The following ZNF681 variants were observed in gnomAD, a reference collection of about 807,000 sequenced individuals.
ZNF681 encodes the protein hypothetical protein FLJ31526.
ZNF681 carries 37 observed loss-of-function variants against 56.0 expected under a neutral mutation model. The observed-to-expected ratio is 0.66, with a 90% CI of 0.51 to 0.87. The LOEUF (loss-of-function observed/expected upper bound fraction) is 0.87, where lower values mean the gene tolerates loss of function less well. Ranked by LOEUF, ZNF681 falls within the 40% of genes least tolerant of loss-of-function variation. The pLI is 0.00. For synonymous variants in ZNF681, 225 were observed against 248.6 expected (o/e 0.91, Z 0.89); for missense variants, 741 against 744.9 (o/e 0.99, Z 0.06).
chr19:23,744,000 C>T lies in ZNF681; in HGVS notation c.1550G>A (p.Arg517Gln), dbSNP rs576983713. 111 of 1,589,932 alleles carry T rather than the reference C, an allele frequency of 7.0e-5. No homozygotes were observed. The highest frequency in any genetic ancestry group is 1.8e-4 in the South Asian group (16 of 89,710). The change falls in exon 4 of 4, where the codon CGA becomes CAA. Residue 517 changes from arginine to glutamine, a missense_variant. Coordinates refer to ENST00000402377, the MANE Select transcript of ZNF681 (RefSeq NM_138286.3). The part of the protein sequence containing the change: ...KCEECGKAFY[R>Q]SSKLTEHKKI... ...CTTATGTTCAGTAAGTTTTGAGGATCGATAGAAAGCTTTGCCACATTCTTC... is the reference window on the plus strand; with the variant it reads ...CTTATGTTCAGTAAGTTTTGAGGATTGATAGAAAGCTTTGCCACATTCTTC...
chr19:23,758,604 G>A, intron 1 of ZNF681, 143 bp downstream of exon 1: 1 of 1,241,244 alleles, frequency 8.1e-7, no homozygotes, highest in South Asian at 1.2e-5. Context: ...TGTCAGCGCA[G>A]CCGCCATCTT....
At chr19:23,746,198 C>T (rs1032999623) in intron 3 of ZNF681, among the ~76,000 whole-genome samples, 2 of 151,966 alleles carry the variant, frequency 1.3e-5, no homozygotes, top group African/African-American at 4.8e-5. Context: ...CCTGTAATCC[C>T]AGCTACTCGG....
In ZNF681 at chr19:23,743,742, G is replaced by A; in HGVS notation, c.1808C>T (p.Ser603Leu). 1.2e-6 allele frequency: 2 copies of A among 1,613,710 alleles called. No individual in the cohort carries two copies. Among genetic ancestry groups the A allele is most frequent in the Non-Finnish European group, 1.7e-6 (2 of 1,179,804 alleles). The change falls in exon 4 of 4, where the codon TCA becomes TTA. Residue 603 changes from serine (S) to leucine (L), a missense_variant. Physicochemically the swap from Ser to Leu is moderately radical, Grantham distance 145. Transcript: ENST00000402377. ...EKCGKAFNQSSNLTGHKKIHT... is the reference protein window; with the variant it reads ...EKCGKAFNQSLNLTGHKKIHT... ...AATTTTCTTATGTCCAGTAAGGTTT[G>A]AGGACTGGTTAAAAGCTTTGCCACA... is the stretch of plus-strand genomic sequence containing the variant.
At chr19:23,749,940 C>T (rs1968999386) in intron 3 of ZNF681, among the ~76,000 whole-genome samples, 1 of 151,260 alleles carries the variant, frequency 6.6e-6, no homozygotes, top group Non-Finnish European at 1.5e-5. Flanking sequence ...AAACTATTTC[C>T]ATGACTACTC....
At chr19:23,747,366 G>A (rs369797860) in intron 3 of ZNF681, among the ~76,000 whole-genome samples, 75 of 152,012 alleles carry the variant, frequency 4.9e-4, no homozygotes, top group Non-Finnish European at 5.6e-4. Context: ...GTGGCCGGGC[G>A]CGGTGGCTCA....
intron 3 of ZNF681, among the ~76,000 whole-genome samples, chr19:23,748,359 C>T (rs1023446355): frequency 4.6e-5 from 7 of 152,166 alleles, no homozygotes; most frequent in Admixed American, 1.3e-4. Flanking sequence ...CACATCTGTG[C>T]CTGCCACCAG....
chr19:23,747,873 A>G (rs1303081135), intron 3 of ZNF681, among the ~76,000 whole-genome samples: 1 of 152,090 alleles, frequency 6.6e-6, no homozygotes, highest in Admixed American at 6.6e-5. Flanking sequence ...ACTCCTCAGT[A>G]TATGATTAAA....
rs1352311333 is a variant in ZNF681 at position 23,739,847 on chromosome 19, A to G, written c.*3765T>C. ...TAAAAAAACATATAAAACTGAGAAA[A>G]TTTCTTCAAATTGTAATATGAATAT... On this transcript the variant is annotated 3_prime_UTR_variant, in exon 4 of 4. Coordinates refer to ENST00000402377, the MANE Select transcript of ZNF681 (RefSeq NM_138286.3). The G allele has an allele frequency of 6.6e-6, 1 of 152,126 alleles. No homozygotes were observed. Among genetic ancestry groups the G allele is most frequent in the Non-Finnish European group, 1.5e-5 (1 of 68,008 alleles). The allele number at this position is 152,126 out of a possible 1,614,324, so 9.4% of individuals were successfully genotyped here. A position where few individuals can be genotyped will look rare whatever the true frequency, so the allele number is the denominator to read the frequency against.
intron 2 of ZNF681, among the ~76,000 whole-genome samples, chr19:23,755,125 T>C (rs1969093035): frequency 4.6e-5 from 7 of 152,168 alleles, no homozygotes; most frequent in Admixed American, 4.6e-4. Context: ...AATCAAAAAC[T>C]GGTGTTGGCA....
At chr19:23,745,601 T>C (rs7252923) in intron 3 of ZNF681, among the ~76,000 whole-genome samples, 148,727 of 151,986 alleles carry the variant, frequency 0.98, 72,861 homozygotes, top group Middle Eastern at 1. Flanking sequence ...TACAGGCATG[T>C]GCCACCATGC....
At chr19:23,747,333 T>G (rs1261215856) in intron 3 of ZNF681, among the ~76,000 whole-genome samples, 1 of 152,080 alleles carries the variant, frequency 6.6e-6, no homozygotes, top group African/African-American at 2.4e-5. Context: ...ATATTCAATA[T>G]AATTTCTATA....
chr19:23,750,621 C>A (rs1404436997), intron 3 of ZNF681, among the ~76,000 whole-genome samples: 1 of 151,996 alleles, frequency 6.6e-6, no homozygotes, highest in Non-Finnish European at 1.5e-5. Flanking sequence ...GTGGACAAAT[C>A]ACCTGAGGTC....
chr19:23,747,916 T>C (rs374566942), intron 3 of ZNF681, among the ~76,000 whole-genome samples: 12 of 152,080 alleles, frequency 7.9e-5, no homozygotes, highest in South Asian at 4.2e-4. Flanking sequence ...GAGCACACAA[T>C]AGAGAAAAGA....
intron 3 of ZNF681, among the ~76,000 whole-genome samples, chr19:23,747,101 C>T (rs986971496): frequency 1.3e-5 from 2 of 152,034 alleles, no homozygotes; most frequent in African/African-American, 2.4e-5. Context: ...AGAAAGAGAT[C>T]CTGTCTCAAA....
chr19:23,743,916 T>C lies in ZNF681; in HGVS notation c.1634A>G (p.His545Arg), dbSNP rs1268247766. The C allele has an allele frequency of 5.6e-6, 9 of 1,605,742 alleles. No individual in the cohort carries two copies. Among genetic ancestry groups the C allele is most frequent in the Non-Finnish European group, 7.7e-6 (9 of 1,174,006 alleles). Residue 545 changes from histidine to arginine, a missense_variant, in exon 4 of 4, where the codon CAT becomes CGT. Physicochemically the swap from His to Arg is conservative, Grantham distance 29 (BLOSUM62 0). Transcript: ENST00000402377. Reference sequence around the variant, plus strand: ...CTTATGTGTAGCAAGATGTGAGGAATGGTTAAAGGCTTTGCCACATTCTTC... The same window carrying C: ...CTTATGTGTAGCAAGATGTGAGGAACGGTTAAAGGCTTTGCCACATTCTTC... ...TCEECGKAFNHSSHLATHKVI... is the reference protein window; with the variant it reads ...TCEECGKAFNRSSHLATHKVI...
rs1745563624 is a variant in ZNF681 at position 23,758,876 on chromosome 19, G to C, written c.-127C>G. 7 of 1,351,470 alleles carry C rather than the reference G, an allele frequency of 5.2e-6. No individual in the cohort carries two copies. The Admixed American group carries it at 1.0e-4, about 19-fold the overall frequency. 83.7% of individuals were successfully genotyped at this position (1,351,470 alleles called of 1,614,324 possible). A position where few individuals can be genotyped will look rare whatever the true frequency, so the allele number is the denominator to read the frequency against. On this transcript the variant is annotated 5_prime_UTR_variant, in exon 1 of 4. Coordinates refer to ENST00000402377, the MANE Select transcript of ZNF681 (RefSeq NM_138286.3). Reference sequence around the variant, plus strand: ...CAGTGAAGACGAGACCCGGAGCTCGGGCTGAAGGGAGAGACAAAGGCCCCG... The same window carrying C: ...CAGTGAAGACGAGACCCGGAGCTCGCGCTGAAGGGAGAGACAAAGGCCCCG...
chr19:23,752,962 C>T (rs1323220648), intron 3 of ZNF681, among the ~76,000 whole-genome samples: 1 of 151,618 alleles, frequency 6.6e-6, no homozygotes, highest in African/African-American at 2.4e-5. Context: ...GGTTGCAGAT[C>T]ATATGATAGT....
rs1011887414 is a variant in ZNF681, at chr19:23,741,820, A to C, written c.*1792T>G. 1.3e-5 allele frequency: 2 copies of C among 152,168 alleles called. No homozygotes were observed. Among genetic ancestry groups the C allele is most frequent in the African/African-American group, 2.4e-5 (1 of 41,428 alleles). The allele number at this position is 152,168 out of a possible 1,614,324, so 9.4% of individuals were successfully genotyped here. ...TCATTTACCCATATGTAATTATTAC[A>C]TATTATATACCTGTATCAAAATATG... On this transcript the variant is annotated 3_prime_UTR_variant, in exon 4 of 4. Coordinates refer to ENST00000402377, the MANE Select transcript of ZNF681 (RefSeq NM_138286.3).
rs1194255224 is a variant in ZNF681 at position 23,744,170 on chromosome 19, G to A, written c.1380C>T (p.Asn460=). The A allele has an allele frequency of 1.9e-6, 3 of 1,612,678 alleles. No individual in the cohort carries two copies. The highest frequency in any genetic ancestry group is 1.7e-5 in the Admixed American group (1 of 59,908). Reference sequence around the variant, plus strand: ...TATGTGTAGTAAGGTTTGAGAACTGGTTAAAGGCTTTCCCACATTCTTCAC... The same window carrying A: ...TATGTGTAGTAAGGTTTGAGAACTGATTAAAGGCTTTCCCACATTCTTCAC... ...YKCEECGKAF[N]QFSNLTTHKR... Residue 460 remains asparagine (N), a synonymous_variant, in exon 4 of 4, where the codon AAC becomes AAT. Transcript: ENST00000402377.
Sources: allele counts gnomAD v4.1 joint callset (sites outside exome capture counted in the v4.1 genomes callset), GRCh38; gene constraint gnomAD v4.1.1; transcripts MANE v1.5; gene names NCBI Gene and HGNC (gene_info 2026-07-23, HGNC 2026-07-21).